The following RBPJ variants were observed in gnomAD, a reference collection of about 807,000 sequenced individuals.
RBPJ encodes the protein recombining binding protein suppressor of hairless.
Under a neutral mutation model 67.8 loss-of-function variants are expected in RBPJ, and 9 were observed. The ratio of observed to expected loss-of-function variants is 0.13; its 90% CI spans 0.08 to 0.23. The LOEUF is 0.23. Among genes scored for constraint, RBPJ ranks in the 10% least tolerant of loss-of-function variants. The probability of loss-of-function intolerance (pLI) is 1.00; values close to 1 mark genes in which losing one functional copy is unlikely to be tolerated. For synonymous variants in RBPJ, 198 were observed against 203.3 expected (o/e 0.97, Z 0.22); for missense variants, 305 against 595.6 (o/e 0.51, Z 5.08).
At chr4:26,411,365 CT>C (rs369163154) in intron 3 of RBPJ, among the ~76,000 whole-genome samples, 108 of 144,938 alleles carry the variant, frequency 7.5e-4, no homozygotes, top group East Asian at 1.8e-3. Flanking sequence ...GTATTCTTGC[CT>C]TTTTTTTTTG....
chr4:26,221,018 C>G (rs770412223), intron 1 of RBPJ, among the ~76,000 whole-genome samples: 39 of 152,224 alleles, frequency 2.6e-4, no homozygotes, highest in Non-Finnish European at 4.0e-4. Context: ...TATACGTACT[C>G]ATTAATGTAT....
chr4:26,149,022 A>C, the RBPJ span, among the ~76,000 whole-genome samples: 146,056 of 152,278 alleles, frequency 0.96, 70,307 homozygotes, highest in East Asian at 1. Flanking sequence ...AAGTCTCCCC[A>C]CAACATGGAA....
intron 1 of RBPJ, among the ~76,000 whole-genome samples, chr4:26,293,480 T>A (rs904979386): frequency 2.0e-5 from 3 of 149,372 alleles, no homozygotes; most frequent in Non-Finnish European, 3.0e-5. Context: ...CAAAAAATTT[T>A]TTTTAATTAG....
chr4:26,429,716 T>C (rs1163717949), intron 8 of RBPJ, among the ~76,000 whole-genome samples, 182 bp from the exon 9 acceptor site: 1 of 152,256 alleles, frequency 6.6e-6, no homozygotes, highest in African/African-American at 2.4e-5. Context: ...ATGGGGTTTC[T>C]GTATTAGCAT....
rs556018424 is a variant in RBPJ at position 26,388,561 on chromosome 4, G to A, written c.59+2170G>A. The stretch of plus-strand genomic sequence containing the variant: ...ACAGACTGTAATTAGTAGAACCTGA[G>A]CTAGAGGAGAGGTTAAATAGAGACA... On this transcript the variant is annotated intron_variant, in intron 2 of 10. Coordinates refer to ENST00000355476, the MANE Select transcript of RBPJ (RefSeq NM_015874.6). Among the ~76,000 whole-genome samples the A allele has an allele frequency of 1.2e-4, 18 of 152,050 alleles. No homozygotes were observed. The South Asian group carries it at 3.5e-3, about 30-fold the overall frequency.
At chr4:26,214,699 TGGAA>T (rs143452566) in intron 1 of RBPJ, among the ~76,000 whole-genome samples, 1 of 58,720 alleles carries the variant, frequency 1.7e-5, no homozygotes, top group South Asian at 6.1e-4. Context: ...GGAGGAAGGA[TGGAA>T]GGAAGGAAGG....
intron 1 of RBPJ, among the ~76,000 whole-genome samples, chr4:26,217,410 T>G (rs1379665035): frequency 6.6e-6 from 1 of 152,100 alleles, no homozygotes; most frequent in Non-Finnish European, 1.5e-5. Context: ...GTGGAGGTTT[T>G]AATGGCCTCT....
In RBPJ at chr4:26,357,016, A is replaced by G. The variant is rs554216724; in HGVS notation, c.21-29337A>G. On this transcript the variant is annotated intron_variant, in intron 1 of 10. Transcript: ENST00000355476. ...AGCCTGGTGGGGATGGTGAGGAAAA[A>G]GGGAGTAAAGAATCTGGTGTAGAGT... Among the ~76,000 whole-genome samples the G allele has an allele frequency of 9.2e-5, 14 of 152,302 alleles. No homozygotes were observed. In the East Asian group the frequency reaches 2.1e-3, roughly 23 times the overall value.
In RBPJ at chr4:26,250,848, A is replaced by G. The variant is rs897342418; in HGVS notation, c.-167+87234A>G. Among the ~76,000 whole-genome samples, 3 of 152,246 alleles carry G rather than the reference A, an allele frequency of 2.0e-5. No individual in the cohort carries two copies. In the East Asian group the frequency reaches 5.8e-4, roughly 29 times the overall value. On this transcript the variant is annotated intron_variant, in intron 1 of 4. Transcript: ENST00000512351. ...ACTGTGGACATCTTTTCAAGTCAGT[A>G]TAAATAGAGCTACCTCATTCTTTCA...
chr4:26,269,744 G>A (rs1398932172), intron 1 of RBPJ, among the ~76,000 whole-genome samples: 1 of 152,172 alleles, frequency 6.6e-6, no homozygotes, highest in Non-Finnish European at 1.5e-5. Flanking sequence ...AGGAAAAGGA[G>A]GAAGCGGTGA....
intron 1 of RBPJ, among the ~76,000 whole-genome samples, chr4:26,201,495 C>T (rs1418034712): frequency 6.6e-6 from 1 of 152,142 alleles, no homozygotes; most frequent in Non-Finnish European, 1.5e-5. Context: ...ACTCCAAGGA[C>T]CAGGTGGACT....
In RBPJ at chr4:26,433,345, T is replaced by C. The variant is rs1253299114; in HGVS notation, c.*2338T>C. 1 of 152,214 alleles carries C rather than the reference T, an allele frequency of 6.6e-6. No individual in the cohort carries two copies. The highest frequency in any genetic ancestry group is 2.4e-5 in the African/African-American group (1 of 41,452). The allele number at this position is 152,214 out of a possible 1,614,324, so 9.4% of individuals were successfully genotyped here. A position where few individuals can be genotyped will look rare whatever the true frequency, so the allele number is the denominator to read the frequency against. On this transcript the variant is annotated 3_prime_UTR_variant, in exon 11 of 11. Transcript: ENST00000355476. ...GCATGGACATGTTCCTAGTGCTGCT[T>C]TGCTTTAACGGCCACAAGTTTCCTC...
At chr4:26,391,829 G>C (rs1731533845) in intron 2 of RBPJ, among the ~76,000 whole-genome samples, 2 of 152,170 alleles carry the variant, frequency 1.3e-5, no homozygotes, top group East Asian at 3.8e-4. Context: ...AGTCCCACTG[G>C]TTTGCTATAA....
At chr4:26,346,686 A>T (rs1292576449) in intron 1 of RBPJ, among the ~76,000 whole-genome samples, 2 of 152,084 alleles carry the variant, frequency 1.3e-5, no homozygotes, top group Admixed American at 6.6e-5. Context: ...TATCATTAGG[A>T]TTCTAAAAAC....
At chr4:26,371,098 T>C (rs1729117452) in intron 1 of RBPJ, among the ~76,000 whole-genome samples, 1 of 151,798 alleles carries the variant, frequency 6.6e-6, no homozygotes, top group East Asian at 1.9e-4. Flanking sequence ...AAAAAAAAAT[T>C]GAAAAGTTAA....
the RBPJ span, among the ~76,000 whole-genome samples, chr4:26,115,606 G>A: frequency 6.6e-6 from 1 of 152,058 alleles, no homozygotes. Context: ...GGATGGTCTC[G>A]ATTTCCTGAC....
intron 1 of RBPJ, among the ~76,000 whole-genome samples, chr4:26,226,300 A>G (rs11934478): frequency 0.044 from 6,737 of 152,130 alleles, 529 homozygotes; most frequent in African/African-American, 0.15. Flanking sequence ...CCCTGTCTCT[A>G]CAAAAAAGAA....
chr4:26,339,840 T>G (rs1037867015), intron 1 of RBPJ, among the ~76,000 whole-genome samples: 2 of 152,124 alleles, frequency 1.3e-5, no homozygotes, highest in African/African-American at 4.8e-5. Context: ...GCCAACATGG[T>G]GAAACCCTGT....
At chr4:26,150,275 C>T in the RBPJ span, among the ~76,000 whole-genome samples, 4 of 152,156 alleles carry the variant, frequency 2.6e-5, no homozygotes, top group African/African-American at 9.7e-5. Flanking sequence ...CCTACCTAAT[C>T]ATCAGATGCA....
Sources: gnomAD v4.1 joint callset for allele counts (sites outside exome capture counted in the v4.1 genomes callset) on GRCh38, gnomAD v4.1.1 for gene constraint, MANE v1.5 for transcripts, NCBI Gene and HGNC (gene_info 2026-07-23, HGNC 2026-07-21) for gene names.